Variants in RUFY4 observed in about 807,000 individuals in gnomAD.
RUFY4 encodes the protein RUN and FYVE domain-containing protein 4.
Under a neutral mutation model 69.0 loss-of-function variants are expected in RUFY4, and 73 were observed. The ratio of observed to expected loss-of-function variants is 1.06; its 90% CI spans 0.88 to 1.29. RUFY4 has a LOEUF of 1.29. Ranked by LOEUF, RUFY4 falls within the 50% of genes most tolerant of loss-of-function variation. The pLI, the probability that RUFY4 is intolerant of heterozygous loss-of-function variation, is 0.00. For synonymous variants in RUFY4, 287 were observed against 271.8 expected (o/e 1.06, Z -0.55); for missense variants, 770 against 705.6 (o/e 1.09, Z -1.03).
chr2:218,079,080 G>T (rs909850431), intron 8 of RUFY4, among the ~76,000 whole-genome samples: 11 of 152,160 alleles, frequency 7.2e-5, no homozygotes, highest in Non-Finnish European at 1.2e-4. Flanking sequence ...TGTTGGCCAG[G>T]CTGGTCTCAA....
At chr2:218,055,653 A>G (rs1269615972) in intron 2 of RUFY4, among the ~76,000 whole-genome samples, 7 of 152,204 alleles carry the variant, frequency 4.6e-5, no homozygotes, top group Non-Finnish European at 1.5e-5. Flanking sequence ...TCCCCCATGG[A>G]ATTACTAAGC....
chr2:218,083,132 C>G lies in RUFY4; in HGVS notation c.1378C>G (p.Leu460Val), dbSNP rs772767455. 8.7e-6 allele frequency: 14 copies of G among 1,613,312 alleles called. No homozygotes were observed. Among genetic ancestry groups the G allele is most frequent in the Non-Finnish European group, 1.2e-5 (14 of 1,179,800 alleles). ...CAGGTGTCAGGAAGAGAGAGCCGAG[C>G]TGCAGGCACAGCTGGAGCAGAAGCA... Residue 460 changes from leucine to valine, a missense_variant, in exon 9 of 11, where the codon CTG (leucine) becomes GTG (valine). Physicochemically the swap from Leu to Val is conservative, Grantham distance 32. Coordinates refer to ENST00000344321, the Ensembl canonical transcript of RUFY4.
rs144390500 is a variant in RUFY4 at position 218,073,486 on chromosome 2, C to T, written c.530+100C>T. Reference sequence around the variant, plus strand: ...CCAAGCCCTCAGCCTCCAGCCCCATCTGTCTCTGCCTCCTTTTGCTCCATG... The same window carrying T: ...CCAAGCCCTCAGCCTCCAGCCCCATTTGTCTCTGCCTCCTTTTGCTCCATG... On this transcript the variant is annotated intron_variant, in intron 5 of 10. Coordinates refer to ENST00000344321, the Ensembl canonical transcript of RUFY4. The T allele has an allele frequency of 3.1e-5, 45 of 1,452,262 alleles. 1 individual carries two copies. In the African/African-American group the frequency reaches 5.1e-4, roughly 16 times the overall value. The allele number at this position is 1,452,262 out of a possible 1,614,324, so 90.0% of individuals were successfully genotyped here.
chr2:218,074,520 T>A (rs1689577686), intron 6 of RUFY4, among the ~76,000 whole-genome samples: 1 of 152,066 alleles, frequency 6.6e-6, no homozygotes, highest in East Asian at 1.9e-4. Flanking sequence ...ATACTATTAG[T>A]TCTCTGGTCC....
chr2:218,063,775 G>A (rs1053399960), intron 3 of RUFY4, among the ~76,000 whole-genome samples: 2 of 152,136 alleles, frequency 1.3e-5, no homozygotes, highest in African/African-American at 2.4e-5. Flanking sequence ...GCAGGGAGGC[G>A]GGGCCCCTGC....
intron 3 of RUFY4, chr2:218,061,199 G>T: frequency 2.5e-6 from 1 of 396,104 alleles, no homozygotes; most frequent in East Asian, 6.5e-5. Flanking sequence ...AGCTGAATAA[G>T]ATGACCAGCA....
chr2:218,055,393 T>C (rs1027728422), intron 2 of RUFY4, among the ~76,000 whole-genome samples: 2 of 139,370 alleles, frequency 1.4e-5, no homozygotes, highest in Admixed American at 7.0e-5. Context: ...AGACCCTGTC[T>C]CAAAAAAAAA....
At chr2:218,044,841 T>C (rs1270265278) in intron 2 of RUFY4, among the ~76,000 whole-genome samples, 3 of 152,208 alleles carry the variant, frequency 2.0e-5, no homozygotes, top group Admixed American at 1.3e-4. Context: ...CAGTCTACCA[T>C]TGATGGGAAT....
chr2:218,072,481 T>A, exon 3 of RUFY4: 1 of 1,537,200 alleles, frequency 6.5e-7, no homozygotes, highest in Non-Finnish European at 8.7e-7. Context: ...CAATCCACTT[T>A]GTCCGTTCCC....
Position 218,070,669 on chromosome 2 carries a change from G to A in RUFY4, c.46+18G>A. The A allele has an allele frequency of 6.5e-7, 1 of 1,536,766 alleles. No individual in the cohort carries two copies. On this transcript the variant is annotated intron_variant, in intron 1 of 10. Transcript: ENST00000344321. Reference sequence around the variant, plus strand: ...CCTAAGAGGTGAGTGTGTCCTGAGAGATGCTCTGGGACTGAGTCATGGGAG... The same window carrying A: ...CCTAAGAGGTGAGTGTGTCCTGAGAAATGCTCTGGGACTGAGTCATGGGAG...
At chr2:218,035,550 C>T (rs933780449) in intron 2 of RUFY4, among the ~76,000 whole-genome samples, 1 of 152,174 alleles carries the variant, frequency 6.6e-6, no homozygotes, top group East Asian at 1.9e-4. Context: ...TCCACTGTGT[C>T]CCACTGCTGT....
chr2:218,086,796 G>A (rs527741552), intron 9 of RUFY4, among the ~76,000 whole-genome samples: 1 of 152,178 alleles, frequency 6.6e-6, no homozygotes, highest in Non-Finnish European at 1.5e-5. Context: ...CAAGTGGGCA[G>A]CAATCCCAGG....
At position 218,081,224 on chromosome 2, in the gene RUFY4, TCTC is replaced by T. The variant is rs1336008895; in HGVS notation, c.1356-1883_1356-1881del. On this transcript the variant is annotated intron_variant, in intron 8 of 10. Transcript: ENST00000344321. ...CAGGTCCTGCCCACCTCCCCACTCTTCTCCTACCTTCCCTGCCCCCCACTGCCC... is the reference window on the plus strand; with the variant it reads ...CAGGTCCTGCCCACCTCCCCACTCTTCTACCTTCCCTGCCCCCCACTGCCC... Among the ~76,000 whole-genome samples the T allele has an allele frequency of 2.6e-5, 4 of 152,184 alleles. No homozygotes were observed. The South Asian group carries it at 6.2e-4, about 24-fold the overall frequency.
At chr2:218,085,685 G>C (rs1689877511) in intron 9 of RUFY4, among the ~76,000 whole-genome samples, 1 of 152,184 alleles carries the variant, frequency 6.6e-6, no homozygotes, top group African/African-American at 2.4e-5. Context: ...CCTTCTGCCT[G>C]CCTCCCCACA....
At chr2:218,060,583 T>C (rs1421928063) in intron 3 of RUFY4, 4 of 1,332,158 alleles carry the variant, frequency 3.0e-6, no homozygotes, top group Admixed American at 1.7e-5. Context: ...ATTGGTCATC[T>C]GGGTTCCCAT....
At chr2:218,037,774 T>C (rs753163808) in intron 2 of RUFY4, among the ~76,000 whole-genome samples, 31 of 152,316 alleles carry the variant, frequency 2.0e-4, no homozygotes, top group Non-Finnish European at 2.8e-4. Flanking sequence ...CCGATTCCTA[T>C]AGAACAGAAG....
At chr2:218,062,966 T>A (rs1318180941) in intron 3 of RUFY4, among the ~76,000 whole-genome samples, 1 of 152,172 alleles carries the variant, frequency 6.6e-6, no homozygotes, top group African/African-American at 2.4e-5. Flanking sequence ...ACCCTCCCTG[T>A]CCTGCATGTG....
At chr2:218,089,169 GTC>G (rs1443023522) in intron 9 of RUFY4, 81 bp from the exon 12 acceptor site, 1 of 1,065,638 alleles carries the variant, frequency 9.4e-7, no homozygotes, top group Admixed American at 2.2e-5. Flanking sequence ...GTTCCTCTCT[GTC>G]TCTCTGTCTG....
chr2:218,071,643 A>G (rs916603072), intron 2 of RUFY4, among the ~76,000 whole-genome samples: 10 of 152,096 alleles, frequency 6.6e-5, no homozygotes, highest in Non-Finnish European at 1.3e-4. Flanking sequence ...CCCCCATCTC[A>G]GCATTTTCCA....
Sources: allele counts gnomAD v4.1 joint callset (sites outside exome capture counted in the v4.1 genomes callset), GRCh38; gene constraint gnomAD v4.1.1; transcripts MANE v1.5; gene names NCBI Gene and HGNC (gene_info 2026-07-23, HGNC 2026-07-21).